PXYLP1: variants seen among roughly 807,000 people sequenced by gnomAD.
PXYLP1 encodes 2-phosphoxylose phosphatase 1, also known as acid phosphatase-like 2.
In PXYLP1, 17 loss-of-function variants were observed where a neutral mutation model predicts 37.9. That is an observed-to-expected ratio of 0.45 (90% CI 0.31 to 0.67). The LOEUF is 0.67. PXYLP1 is among the 30% of genes least tolerant of loss of function. The pLI is 0.07. For missense variants in PXYLP1, 511 were observed against 612.0 expected (o/e 0.84, Z 1.74); for synonymous variants, 221 against 232.2 (o/e 0.95, Z 0.44).
At chr3:141,249,583 T>G (rs1176578874) in intron 1 of PXYLP1, among the ~76,000 whole-genome samples, 2 of 152,082 alleles carry the variant, frequency 1.3e-5, no homozygotes, top group East Asian at 3.9e-4. Flanking sequence ...CTCTCGTGCT[T>G]TCTTTGACAT....
At position 141,278,330 on chromosome 3, in the gene PXYLP1, A is replaced by C. The variant is rs767637253; in HGVS notation, c.80-12A>C. The C allele has an allele frequency of 1.2e-6, 2 of 1,614,092 alleles. No homozygotes were observed. Among genetic ancestry groups the C allele is most frequent in the South Asian group, 1.1e-5 (1 of 91,078 alleles). On this transcript the variant is annotated splice_polypyrimidine_tract_variant and intron_variant, in intron 2 of 5. Coordinates refer to ENST00000286353, the MANE Select transcript of PXYLP1 (RefSeq NM_001037172.3). ...GGAACTGTGCGTCACAACCTGCCTT[A>C]CTTCGTTTCAGTCCACCTGATCCCG...
intron 1 of PXYLP1, among the ~76,000 whole-genome samples, chr3:141,245,777 C>T (rs16851201): frequency 1.2e-3 from 182 of 152,292 alleles, no homozygotes; most frequent in African/African-American, 4.2e-3. Context: ...GGAGAGGTCC[C>T]TAAAATATCA....
rs1162733155 is a variant in PXYLP1 at position 141,279,341 on chromosome 3, T to C, written c.239-37T>C. The C allele has an allele frequency of 3.1e-6, 5 of 1,612,936 alleles. No individual in the cohort carries two copies. In the South Asian group the frequency reaches 3.3e-5, roughly 11 times the overall value. On this transcript the variant is annotated intron_variant, in intron 3 of 5. Transcript: ENST00000286353. ...CCCCTTCTAAAAGGATTGACACCTA[T>C]TGAGTGATAACCAGACAATGTGCTT... is the stretch of plus-strand genomic sequence containing the variant.
intron 1 of PXYLP1, among the ~76,000 whole-genome samples, chr3:141,237,611 A>G (rs13089646): frequency 0.044 from 6,687 of 152,348 alleles, 229 homozygotes; most frequent in Non-Finnish European, 0.067. Flanking sequence ...CACCTACCAC[A>G]TGGTACATGC....
intron 1 of PXYLP1, among the ~76,000 whole-genome samples, chr3:141,243,564 C>T (rs778883869): frequency 1.3e-5 from 2 of 152,252 alleles, no homozygotes; most frequent in Non-Finnish European, 2.9e-5. Context: ...ATCCTCCCTG[C>T]CTTTTAGTTT....
At chr3:141,240,547 G>A (rs1000125232) in intron 1 of PXYLP1, among the ~76,000 whole-genome samples, 11 of 152,074 alleles carry the variant, frequency 7.2e-5, no homozygotes, top group South Asian at 2.1e-4. Flanking sequence ...GGGCTCAGTC[G>A]TGTGAGCATA....
chr3:141,282,927 C>T (rs1322432943), intron 4 of PXYLP1, among the ~76,000 whole-genome samples: 1 of 152,126 alleles, frequency 6.6e-6, no homozygotes, highest in Non-Finnish European at 1.5e-5. Context: ...TTTGAGCTAT[C>T]ATGAAACATT....
At chr3:141,271,716 C>G (rs1000774617) in intron 2 of PXYLP1, among the ~76,000 whole-genome samples, 1 of 152,206 alleles carries the variant, frequency 6.6e-6, no homozygotes, top group African/African-American at 2.4e-5. Flanking sequence ...GGTTTGGAAG[C>G]CATCTGACTC....
At position 141,292,433 on chromosome 3, in the gene PXYLP1, A is replaced by T; in HGVS notation, c.671A>T (p.Asp224Val). 1 of 1,614,220 alleles carries T rather than the reference A, an allele frequency of 6.2e-7. No individual in the cohort carries two copies. The change falls in exon 6 of 6, where the codon GAT (aspartate) becomes GTT (valine). Residue 224 changes from aspartate (D) to valine (V), a missense_variant. Transcript: ENST00000286353. The surrounding 1 kb of genome is among the most constrained non-coding windows in gnomAD (Gnocchi z 4.3). ...GCCTTGCTTTATGGCTTTCTCCCAG[A>T]TTTTGACTGGAAGAAGATTTATTTC... ...GLALLYGFLP[D>V]FDWKKIYFRH... is the part of the protein sequence containing the mutation.
intron 2 of PXYLP1, chr3:141,273,915 T>C: frequency 1.0e-6 from 1 of 985,450 alleles, no homozygotes; most frequent in Non-Finnish European, 1.2e-6. Context: ...CCCAGGACAC[T>C]CATTTAGATT....
At chr3:141,277,053 G>A (rs1024556613) in intron 2 of PXYLP1, among the ~76,000 whole-genome samples, 17 of 152,058 alleles carry the variant, frequency 1.1e-4, no homozygotes, top group Non-Finnish European at 1.5e-4. Context: ...TTCAGGTGTA[G>A]GGTCTCTTAT....
At chr3:141,259,453 C>G (rs185832664) in intron 1 of PXYLP1, among the ~76,000 whole-genome samples, 13 of 151,140 alleles carry the variant, frequency 8.6e-5, no homozygotes, top group East Asian at 1.9e-4. Flanking sequence ...TTAAAAAGTC[C>G]TCTTGCACAC....
chr3:141,253,884 A>T (rs1941200243), intron 1 of PXYLP1, among the ~76,000 whole-genome samples: 1 of 147,558 alleles, frequency 6.8e-6, no homozygotes, highest in Admixed American at 6.8e-5. Flanking sequence ...TATGTATATT[A>T]TATATAATAT....
At chr3:141,266,716 G>A (rs1174898185) in intron 2 of PXYLP1, among the ~76,000 whole-genome samples, 2 of 146,304 alleles carry the variant, frequency 1.4e-5, no homozygotes, top group Non-Finnish European at 3.0e-5. Flanking sequence ...GAGACGGCGG[G>A]GGGAGAGAGG....
At chr3:141,274,527 C>G (rs1941744605) in intron 2 of PXYLP1, 1 of 1,458,832 alleles carries the variant, frequency 6.9e-7, no homozygotes, top group Non-Finnish European at 9.3e-7. Flanking sequence ...ATGCCCCTCA[C>G]CCCAGACTGG....
At chr3:141,244,867 G>C (rs1350565024) in intron 1 of PXYLP1, among the ~76,000 whole-genome samples, 2 of 151,780 alleles carry the variant, frequency 1.3e-5, no homozygotes, top group African/African-American at 4.8e-5. Context: ...GGCAAAAGAT[G>C]TGCATGTTTA....
intron 1 of PXYLP1, among the ~76,000 whole-genome samples, chr3:141,242,403 C>T (rs1940826974): frequency 6.6e-6 from 1 of 152,198 alleles, no homozygotes; most frequent in Non-Finnish European, 1.5e-5. Flanking sequence ...GAACTTTCAG[C>T]ACTGCCTGAG....
intron 4 of PXYLP1, among the ~76,000 whole-genome samples, chr3:141,280,831 C>T (rs768891980): frequency 5.3e-5 from 8 of 152,264 alleles, no homozygotes; most frequent in African/African-American, 1.4e-4. Context: ...TCTAGTGAAA[C>T]GGAATACTGT....
At chr3:141,269,159 C>A (rs1478780057) in intron 2 of PXYLP1, among the ~76,000 whole-genome samples, 1 of 152,236 alleles carries the variant, frequency 6.6e-6, no homozygotes, top group South Asian at 2.1e-4. Flanking sequence ...GGCAGACAAC[C>A]CACCCACCCT....
Sources: allele counts gnomAD v4.1 joint callset (sites outside exome capture counted in the v4.1 genomes callset), GRCh38; gene constraint gnomAD v4.1.1; non-coding constraint Gnocchi (gnomAD v3.1); transcripts MANE v1.5; gene names NCBI Gene and HGNC (gene_info 2026-07-23, HGNC 2026-07-21).